Variants in CRYBG3 observed in about 807,000 individuals in gnomAD.
The protein encoded by CRYBG3 is very large A-kinase anchor protein.
CRYBG3 carries 127 observed loss-of-function variants against 244.2 expected under a neutral mutation model. The ratio of observed to expected loss-of-function variants is 0.52; its 90% CI spans 0.45 to 0.60. The LOEUF is 0.60. CRYBG3 is among the 20% of genes least tolerant of loss of function. CRYBG3 has a pLI of 0.00. For synonymous variants in CRYBG3, 1,132 were observed against 1,195.8 expected, an observed-to-expected ratio of 0.95 and a Z score of 1.10; for missense variants, 3,325 against 3,442.5, an observed-to-expected ratio of 0.97 and a Z score of 0.85.
chr3:97,923,569 C>G (rs563934000), intron 17 of CRYBG3, among the ~76,000 whole-genome samples: 1 of 151,366 alleles, frequency 6.6e-6, no homozygotes, highest in East Asian at 2.0e-4. Flanking sequence ...GAAGTTCTAT[C>G]TAATAAAAAA....
intron 1 of CRYBG3, among the ~76,000 whole-genome samples, chr3:97,839,665 T>A (rs1286232748): frequency 6.6e-6 from 1 of 152,122 alleles, no homozygotes; most frequent in African/African-American, 2.4e-5. Context: ...TTTTTTCTTT[T>A]GAGACAGGGT....
intron 17 of CRYBG3, among the ~76,000 whole-genome samples, chr3:97,921,756 G>A (rs889686936): frequency 1.3e-5 from 2 of 152,164 alleles, no homozygotes; most frequent in East Asian, 3.9e-4. Flanking sequence ...TTGATCTAAG[G>A]TGGAGTTAAC....
intron 10 of CRYBG3, among the ~76,000 whole-genome samples, chr3:97,892,478 C>T (rs991983488): frequency 2.1e-4 from 32 of 152,158 alleles, no homozygotes; most frequent in African/African-American, 7.5e-4. Context: ...TCACCATAAA[C>T]GTTTTGTAAA....
At chr3:97,838,359 T>C (rs1343166434) in intron 1 of CRYBG3, among the ~76,000 whole-genome samples, 2 of 152,148 alleles carry the variant, frequency 1.3e-5, no homozygotes, top group Admixed American at 1.3e-4. Flanking sequence ...CTATCAGTTG[T>C]TGATGTCAGC....
intron 15 of CRYBG3, 95 bp downstream of exon 15, chr3:97,900,580 T>G (rs1248353640): frequency 3.9e-6 from 3 of 774,216 alleles, no homozygotes; most frequent in Non-Finnish European, 6.6e-6. Flanking sequence ...AGATAACTTT[T>G]ATGTGTCTCT....
chr3:97,916,554 A>G (rs2039931341), intron 17 of CRYBG3, among the ~76,000 whole-genome samples: 1 of 152,118 alleles, frequency 6.6e-6, no homozygotes, highest in Non-Finnish European at 1.5e-5. Flanking sequence ...AATTATGACA[A>G]TTCCTTGGGG....
chr3:97,858,876 C>T (rs2039104522), intron 2 of CRYBG3, among the ~76,000 whole-genome samples: 1 of 152,020 alleles, frequency 6.6e-6, no homozygotes, highest in Non-Finnish European at 1.5e-5. Context: ...ACATTTCTTG[C>T]TTTTTCATGT....
At chr3:97,871,369 G>T (rs189458796) in intron 3 of CRYBG3, among the ~76,000 whole-genome samples, 1 of 152,126 alleles carries the variant, frequency 6.6e-6, no homozygotes, top group Non-Finnish European at 1.5e-5. Context: ...TCCAAGTTAC[G>T]TGCTAAACAT....
chr3:97,883,036 A>T (rs1412277214), intron 7 of CRYBG3, among the ~76,000 whole-genome samples: 1 of 152,174 alleles, frequency 6.6e-6, no homozygotes, highest in African/African-American at 2.4e-5. Flanking sequence ...TCCAGGGCAC[A>T]CAGAAGAAAC....
In CRYBG3 at chr3:97,875,085, A is replaced by T; in HGVS notation, c.3891A>T (p.Val1297=). The T allele has an allele frequency of 6.5e-7, 1 of 1,534,078 alleles. No individual in the cohort carries two copies. Residue 1297 remains valine (V), a synonymous_variant, in exon 4 of 22, where the codon GTA becomes GTT. Transcript: ENST00000389622. ...TTGTTGATCCTAATAGTATGAATGT[A>T]TCTTGTTTGTTAGAAGATAAAGCTA... ...NLLVDPNSMN[V]SCLLEDKARE...
chr3:97,857,409 T>C (rs977299610), intron 2 of CRYBG3, among the ~76,000 whole-genome samples: 3 of 151,908 alleles, frequency 2.0e-5, no homozygotes, highest in Non-Finnish European at 4.4e-5. Context: ...AATCCGCGAT[T>C]TCCTTAAGTT....
intron 14 of CRYBG3, among the ~76,000 whole-genome samples, chr3:97,899,663 C>G (rs753547385): frequency 1.4e-4 from 21 of 152,122 alleles, no homozygotes; most frequent in Admixed American, 3.3e-4. Context: ...GGAAAAGGAA[C>G]AATCAGTGCC....
In CRYBG3 at chr3:97,874,329, A is replaced by G. The variant is rs1186048884; in HGVS notation, c.3135A>G (p.Arg1045=). The change falls in exon 4 of 22, where the codon AGA becomes AGG. Residue 1045 remains arginine (R), a synonymous_variant. Transcript: ENST00000389622. ...LKLEKKSSSY[R]KKENIHFLNG... ...TGGAAAAGAAATCCTCATCTTACAG[A>G]AAGAAAGAGAACATCCATTTTTTAA... 2.0e-6 allele frequency: 3 copies of G among 1,526,904 alleles called. No homozygotes were observed. Among genetic ancestry groups the G allele is most frequent in the Non-Finnish European group, 1.7e-6 (2 of 1,144,606 alleles). The allele number at this position is 1,526,904 out of a possible 1,614,324, so 94.6% of individuals were successfully genotyped here.
Position 97,888,978 on chromosome 3 carries a change from CT to C in CRYBG3, c.7405-376del, listed in dbSNP as rs1559734129. 3.3e-5 allele frequency among the ~76,000 whole-genome samples: 5 copies of C among 152,296 alleles called. No individual in the cohort carries two copies. In the East Asian group the frequency reaches 9.6e-4, roughly 29 times the overall value. On this transcript the variant is annotated intron_variant, in intron 9 of 21. Coordinates refer to ENST00000389622, the MANE Select transcript of CRYBG3 (RefSeq NM_153605.4). The stretch of plus-strand genomic sequence containing the variant: ...GGATTAGCTGGCTAAGAAATCTACT[CT>C]GCTGAATGAGATTTCTAAGTTTACT...
At chr3:97,883,280 CAGTTCTGCA>C (rs1157015943) in intron 7 of CRYBG3, among the ~76,000 whole-genome samples, 2 of 152,156 alleles carry the variant, frequency 1.3e-5, no homozygotes, top group Non-Finnish European at 2.9e-5. Context: ...GTAGTCAGTT[CAGTTCTGCA>C]GATAACCATT....
Position 97,872,070 on chromosome 3 carries a change from G to A in CRYBG3, c.876G>A (p.Met292Ile). ...LLLSASTDSSMKGNLLEGPLE... is the reference protein window; with the variant it reads ...LLLSASTDSSIKGNLLEGPLE... Reference sequence around the variant, plus strand: ...TATCAGCTAGTACAGACTCATCTATGAAAGGAAATCTACTTGAAGGCCCAT... The same window carrying A: ...TATCAGCTAGTACAGACTCATCTATAAAAGGAAATCTACTTGAAGGCCCAT... Residue 292 changes from methionine (M) to isoleucine (I), a missense_variant, in exon 4 of 22, where the codon ATG (methionine) becomes ATA (isoleucine). Transcript: ENST00000389622. 1 of 1,535,804 alleles carries A rather than the reference G, an allele frequency of 6.5e-7. No individual in the cohort carries two copies. Among genetic ancestry groups the A allele is most frequent in the Non-Finnish European group, 8.7e-7 (1 of 1,146,742 alleles).
intron 3 of CRYBG3, among the ~76,000 whole-genome samples, chr3:97,868,772 CA>C (rs1198081173): frequency 3.3e-5 from 5 of 152,050 alleles, no homozygotes; most frequent in Non-Finnish European, 7.4e-5. Context: ...CCTTTTGGAT[CA>C]AAAGTTGCAT....
In CRYBG3 at chr3:97,864,660, T is replaced by C; in HGVS notation, c.647+13T>C. On this transcript the variant is annotated intron_variant, in intron 3 of 21. Coordinates refer to ENST00000389622, the MANE Select transcript of CRYBG3 (RefSeq NM_153605.4). The stretch of plus-strand genomic sequence containing the variant: ...CTAATTTGCTAAAGTAAGTTTAAAA[T>C]TTCATTGAACCAAAAAAAATTGAGC... 1 of 1,495,994 alleles carries C rather than the reference T, an allele frequency of 6.7e-7. No individual in the cohort carries two copies. The highest frequency in any genetic ancestry group is 8.8e-7 in the Non-Finnish European group (1 of 1,130,046). 92.7% of individuals were successfully genotyped at this position (1,495,994 alleles called of 1,614,324 possible).
chr3:97,888,236 C>A (rs1197387179), intron 8 of CRYBG3, 105 bp from the exon 9 acceptor site: 8 of 645,888 alleles, frequency 1.2e-5, no homozygotes, highest in Non-Finnish European at 2.2e-5. Context: ...TAGTGTAATT[C>A]TGTGATGGAG....
Sources: allele counts gnomAD v4.1 joint callset (sites outside exome capture counted in the v4.1 genomes callset), GRCh38; gene constraint gnomAD v4.1.1; transcripts MANE v1.5; gene names NCBI Gene and HGNC (gene_info 2026-07-23, HGNC 2026-07-21).